Variants in EHBP1 observed in about 807,000 individuals in gnomAD.
The protein encoded by EHBP1 is EH domain-binding protein 1.
EHBP1 carries 55 observed loss-of-function variants against 144.0 expected under a neutral mutation model. That is an observed-to-expected ratio of 0.38 (90% CI 0.31 to 0.48). The LOEUF is 0.48. Among genes scored for constraint, EHBP1 ranks in the 20% least tolerant of loss-of-function variants. The probability of loss-of-function intolerance (pLI) is 0.98; values close to 1 mark genes in which losing one functional copy is unlikely to be tolerated. For synonymous variants in EHBP1, 469 were observed against 472.7 expected (o/e 0.99, Z 0.10); for missense variants, 1,200 against 1,364.2 (o/e 0.88, Z 1.90).
intron 1 of EHBP1, among the ~76,000 whole-genome samples, chr2:62,683,658 C>CAAAA (rs397936534): frequency 1.3e-3 from 63 of 50,010 alleles, no homozygotes; most frequent in Admixed American, 2.0e-3. Context: ...GACTCCATCT[C>CAAAA]AAAAAAAAAA....
chr2:62,816,770 A>G (rs2045480842), intron 5 of EHBP1, among the ~76,000 whole-genome samples: 1 of 152,172 alleles, frequency 6.6e-6, no homozygotes. Flanking sequence ...ATTTGCCCAC[A>G]GTGCTTTTGG....
intron 5 of EHBP1, among the ~76,000 whole-genome samples, chr2:62,809,995 T>G (rs1292992203): frequency 6.6e-6 from 1 of 152,240 alleles, no homozygotes; most frequent in African/African-American, 2.4e-5. Context: ...TGTAAATTTG[T>G]GGTAGAACCA....
chr2:62,939,145 T>C (rs1317501287), intron 10 of EHBP1, among the ~76,000 whole-genome samples: 1 of 152,196 alleles, frequency 6.6e-6, no homozygotes, highest in African/African-American at 2.4e-5. Flanking sequence ...AGACAGATAA[T>C]AACCAGTAAG....
intron 10 of EHBP1, among the ~76,000 whole-genome samples, chr2:62,886,046 CAAAG>C (rs2051900538): frequency 6.6e-6 from 1 of 152,150 alleles, no homozygotes; most frequent in Non-Finnish European, 1.5e-5. Context: ...AGGGTAAACT[CAAAG>C]TAACTCACAG....
intron 15 of EHBP1, 89 bp from the exon 16 acceptor site, chr2:62,990,627 T>C: frequency 7.4e-7 from 1 of 1,344,240 alleles, no homozygotes; most frequent in Non-Finnish European, 1.0e-6. Flanking sequence ...TAAAATATAG[T>C]AATACTTTTC....
chr2:62,691,579 A>G (rs979968479), intron 1 of EHBP1, among the ~76,000 whole-genome samples: 4 of 152,196 alleles, frequency 2.6e-5, no homozygotes, highest in African/African-American at 9.7e-5. Flanking sequence ...TTGACAGGCA[A>G]CTAACAATAT....
chr2:62,946,929 T>TA (rs1049877938), intron 12 of EHBP1, among the ~76,000 whole-genome samples: 2 of 152,098 alleles, frequency 1.3e-5, no homozygotes, highest in African/African-American at 4.8e-5. Flanking sequence ...AAGTGCTGAA[T>TA]AAAAAAAGGC....
chr2:63,020,383 A>T (rs922878281), intron 19 of EHBP1, among the ~76,000 whole-genome samples: 9 of 150,852 alleles, frequency 6.0e-5, no homozygotes, highest in Non-Finnish European at 1.3e-4. Context: ...GGCGCCTATA[A>T]TCCCAGCTAT....
chr2:62,921,719 G>T (rs2055102401), intron 10 of EHBP1, among the ~76,000 whole-genome samples: 1 of 152,178 alleles, frequency 6.6e-6, no homozygotes, highest in Admixed American at 6.5e-5. Context: ...CCCCCATGCA[G>T]TTGAAAATTT....
At chr2:62,908,672 TATTTAGAAGTATC>T (rs1219032677) in intron 10 of EHBP1, among the ~76,000 whole-genome samples, 2 of 152,200 alleles carry the variant, frequency 1.3e-5, no homozygotes, top group Non-Finnish European at 2.9e-5. Context: ...AGTCTTGGCT[TATTTAGAAGTATC>T]ATTTAGTCTC....
At chr2:62,913,067 T>TC (rs1220503291) in intron 10 of EHBP1, among the ~76,000 whole-genome samples, 1 of 152,188 alleles carries the variant, frequency 6.6e-6, no homozygotes, top group African/African-American at 2.4e-5. Context: ...GTCTGCATTC[T>TC]CCCCTCTGGA....
intron 19 of EHBP1, among the ~76,000 whole-genome samples, chr2:63,008,763 A>G (rs960675696): frequency 2.6e-5 from 4 of 151,650 alleles, no homozygotes; most frequent in African/African-American, 9.7e-5. Flanking sequence ...ATAAAAATAT[A>G]TAAGGTTAGA....
intron 3 of EHBP1, among the ~76,000 whole-genome samples, chr2:62,761,862 G>A (rs2040796163): frequency 6.6e-6 from 1 of 152,064 alleles, no homozygotes; most frequent in South Asian, 2.1e-4. Context: ...GCGCCAACCT[G>A]TTTCTTTTCC....
chr2:62,762,793 T>C (rs979786013), intron 3 of EHBP1, among the ~76,000 whole-genome samples: 10 of 152,252 alleles, frequency 6.6e-5, no homozygotes, highest in African/African-American at 2.4e-4. Context: ...TTCTCTCTTA[T>C]GTTTGGAACC....
chr2:63,002,942 T>G (rs2059905777), intron 19 of EHBP1, among the ~76,000 whole-genome samples: 1 of 152,092 alleles, frequency 6.6e-6, no homozygotes. Flanking sequence ...ATGTAACTAT[T>G]TTATACTATG....
intron 3 of EHBP1, among the ~76,000 whole-genome samples, chr2:62,754,307 A>G (rs1335711192): frequency 6.6e-6 from 1 of 152,118 alleles, no homozygotes; most frequent in Middle Eastern, 3.2e-3. Flanking sequence ...CAGAACAGCA[A>G]ATGTTGCTGA....
intron 13 of EHBP1, among the ~76,000 whole-genome samples, chr2:62,953,217 C>CAAAAAAA (rs35848429): frequency 3.1e-5 from 2 of 64,492 alleles, no homozygotes; most frequent in African/African-American, 6.3e-5. Context: ...AAGTCCGTCT[C>CAAAAAAA]AAAAAAAAAA....
intron 5 of EHBP1, among the ~76,000 whole-genome samples, chr2:62,804,581 A>G (rs942877838): frequency 3.3e-5 from 5 of 152,260 alleles, no homozygotes; most frequent in Admixed American, 1.3e-4. Flanking sequence ...TTACATAAAA[A>G]TAAAAACTAA....
At position 62,948,416 on chromosome 2, in the gene EHBP1, G is replaced by C. The variant is rs372583505; in HGVS notation, c.1570G>C (p.Glu524Gln). 4 of 1,613,878 alleles carry C rather than the reference G, an allele frequency of 2.5e-6. No individual in the cohort carries two copies. Among genetic ancestry groups the C allele is most frequent in the Non-Finnish European group, 3.4e-6 (4 of 1,179,912 alleles). ...AGAACTAAATGTCGTTCAGATAGAG[G>C]AAAACAGCAGTAAAAGCACATATAA... is the stretch of plus-strand genomic sequence containing the variant. ...GQELNVVQIE[E>Q]NSSKSTYKVG... Residue 524 changes from glutamate (E) to glutamine (Q), a missense_variant, in exon 13 of 23, where the codon GAA becomes CAA. By Grantham distance (29) the Glu-to-Gln change is conservative. Around this residue, in one of 6 missense-constraint regions of EHBP1, gnomAD observed 94 missense variants for 143.0 expected, o/e 0.66. Coordinates refer to ENST00000431489, the MANE Select transcript of EHBP1 (RefSeq NM_001142616.3).
Sources: gnomAD v4.1 joint callset for allele counts (sites outside exome capture counted in the v4.1 genomes callset) on GRCh38, gnomAD v4.1.1 for gene constraint, gnomAD v4.1.1 regional missense constraint, MANE v1.5 for transcripts, NCBI Gene and HGNC (gene_info 2026-07-23, HGNC 2026-07-21) for gene names.